The following PIAS1 variants were observed in gnomAD, a reference collection of about 807,000 sequenced individuals.
PIAS1 encodes protein inhibitor of activated STAT 1.
In PIAS1, 6 loss-of-function variants were observed where a neutral mutation model predicts 71.3. That is an observed-to-expected ratio of 0.08 (90% CI 0.05 to 0.17). The LOEUF (loss-of-function observed/expected upper bound fraction) is 0.17. PIAS1 is among the 10% of genes least tolerant of loss of function. The probability of loss-of-function intolerance (pLI) is 1.00; values close to 1 mark genes in which losing one functional copy is unlikely to be tolerated. For synonymous variants in PIAS1, 303 were observed against 292.9 expected (o/e 1.03, Z -0.35); for missense variants, 555 against 793.6 (o/e 0.70, Z 3.61).
chr15:68,161,811 T>C (rs1239013912), intron 7 of PIAS1, among the ~76,000 whole-genome samples: 1 of 151,828 alleles, frequency 6.6e-6, no homozygotes, highest in African/African-American at 2.4e-5. Flanking sequence ...ACACCTCTAA[T>C]CCCAGCTACT....
Position 68,173,965 on chromosome 15 carries a change from G to A in PIAS1, c.1169+73G>A. Reference sequence around the variant, plus strand: ...TCTGGGTTTGTTACACATCAGATTTGGGATGAAAATTCTAAGTTATATATT... The same window carrying A: ...TCTGGGTTTGTTACACATCAGATTTAGGATGAAAATTCTAAGTTATATATT... On this transcript the variant is annotated intron_variant, in intron 9 of 13. Coordinates refer to ENST00000249636, the MANE Select transcript of PIAS1 (RefSeq NM_016166.3). This position sits in a 1 kb window ranked among gnomAD's most constrained non-coding sequence, Gnocchi z 4.3. The A allele has an allele frequency of 1.0e-6, 1 of 979,138 alleles. No individual in the cohort carries two copies. The highest frequency in any genetic ancestry group is 1.4e-6 in the Non-Finnish European group (1 of 726,736). 60.7% of individuals were successfully genotyped at this position (979,138 alleles called of 1,614,324 possible). A position where few individuals can be genotyped will look rare whatever the true frequency, so the allele number is the denominator to read the frequency against.
chr15:68,054,629 G>A lies in PIAS1; in HGVS notation c.24+279G>A, dbSNP rs1219346626. 2.7e-6 allele frequency: 1 copy of A among 369,582 alleles called. No individual in the cohort carries two copies. Among genetic ancestry groups the A allele is most frequent in the Admixed American group, 4.8e-5 (1 of 20,914 alleles). The allele number at this position is 369,582 out of a possible 1,614,324, so 22.9% of individuals were successfully genotyped here. The stretch of plus-strand genomic sequence containing the variant: ...CGGGGGAAGAGATAGGGAGTCCGGA[G>A]GTAGGGGCTGCAGCTGTCTCATGGG... On this transcript the variant is annotated intron_variant, in intron 1 of 13. Transcript: ENST00000249636. The surrounding 1 kb of genome is among the most constrained non-coding windows in gnomAD (Gnocchi z 4.6).
chr15:68,186,066 A>G lies in PIAS1; in HGVS notation c.1663-1476A>G, dbSNP rs1441027225. On this transcript the variant is annotated intron_variant, in intron 13 of 13. Coordinates refer to ENST00000249636, the MANE Select transcript of PIAS1 (RefSeq NM_016166.3). This position sits in a 1 kb window ranked among gnomAD's most constrained non-coding sequence, Gnocchi z 4.4. ...ACATTATCTACTTACAAGCAAACCTATGATAAAAAAGAAACCAAGCCAAAC... is the reference window on the plus strand; with the variant it reads ...ACATTATCTACTTACAAGCAAACCTGTGATAAAAAAGAAACCAAGCCAAAC... Among the ~76,000 whole-genome samples the G allele has an allele frequency of 2.0e-5, 3 of 152,250 alleles. No individual in the cohort carries two copies. The highest frequency in any genetic ancestry group is 6.5e-5 in the Admixed American group (1 of 15,290).
At chr15:68,126,443 A>G (rs1269731713) in intron 2 of PIAS1, among the ~76,000 whole-genome samples, 4 of 152,106 alleles carry the variant, frequency 2.6e-5, no homozygotes, top group African/African-American at 9.6e-5. Context: ...TAACTAGTTA[A>G]TTGTTTTTGT....
chr15:68,125,411 A>G (rs888275175), intron 2 of PIAS1, among the ~76,000 whole-genome samples: 2 of 152,066 alleles, frequency 1.3e-5, no homozygotes, highest in African/African-American at 4.8e-5. Context: ...TGCCTGTGTT[A>G]ATCTTGTATT....
chr15:68,156,108 G>A (rs1198314799), intron 7 of PIAS1, among the ~76,000 whole-genome samples: 1 of 152,164 alleles, frequency 6.6e-6, no homozygotes, highest in Non-Finnish European at 1.5e-5. Flanking sequence ...AGAGTCTACT[G>A]TGTTCCAGGA....
intron 2 of PIAS1, among the ~76,000 whole-genome samples, chr15:68,113,281 G>A (rs1431022857): frequency 6.6e-6 from 1 of 152,142 alleles, no homozygotes; most frequent in Admixed American, 6.6e-5. Flanking sequence ...TTCAGCTGCT[G>A]TCAAGTAGTA....
rs1388018494 is a variant in PIAS1, at chr15:68,135,663, C to T, written c.470-6283C>T. 2.0e-3 allele frequency among the ~76,000 whole-genome samples: 131 copies of T among 64,750 alleles called. 5 individuals carry two copies. Among genetic ancestry groups the T allele is most frequent in the African/African-American group, 4.4e-3 (107 of 24,522 alleles). 42.5% of individuals were successfully genotyped at this position (64,750 alleles called of 152,430 possible). A position where few individuals can be genotyped will look rare whatever the true frequency, so the allele number is the denominator to read the frequency against. On this transcript the variant is annotated intron_variant, in intron 2 of 13. Transcript: ENST00000249636. ...CTCCCGGACGGGGTGGCTGGCCTGGCGGGGGCTGACCCCCACCTCCCTCCC... is the reference window on the plus strand; with the variant it reads ...CTCCCGGACGGGGTGGCTGGCCTGGTGGGGGCTGACCCCCACCTCCCTCCC...
intron 1 of PIAS1, chr15:68,057,459 T>A (rs1390350736): frequency 2.3e-6 from 1 of 438,692 alleles, no homozygotes; most frequent in Admixed American, 2.6e-5. Flanking sequence ...AACCAAGTTA[T>A]AGTGCCATTT....
rs1035619167 is a variant in PIAS1, at chr15:68,173,218, A to G, written c.1009-514A>G. On this transcript the variant is annotated intron_variant, in intron 8 of 13. Coordinates refer to ENST00000249636, the MANE Select transcript of PIAS1 (RefSeq NM_016166.3). The surrounding 1 kb of genome is among the most constrained non-coding windows in gnomAD (Gnocchi z 4.3). Reference sequence around the variant, plus strand: ...TAAGAATTTGAGAAAAGCCGGGCACAGTGGTGTGCGCCTGTATCCCCAGCT... The same window carrying G: ...TAAGAATTTGAGAAAAGCCGGGCACGGTGGTGTGCGCCTGTATCCCCAGCT... Among the ~76,000 whole-genome samples, 5 of 152,176 alleles carry G rather than the reference A, an allele frequency of 3.3e-5. No individual in the cohort carries two copies. Among genetic ancestry groups the G allele is most frequent in the Admixed American group, 6.5e-5 (1 of 15,282 alleles).
intron 3 of PIAS1, 31 bp downstream of exon 3, chr15:68,142,061 T>C: frequency 1.4e-6 from 2 of 1,440,120 alleles, no homozygotes; most frequent in Non-Finnish European, 1.9e-6. Flanking sequence ...ACTTGAAGTT[T>C]GACCTTTGAA....
rs1007350434 is a variant in PIAS1, at chr15:68,178,627, A to AT, written c.1481+1980dup. On this transcript the variant is annotated intron_variant, in intron 11 of 13. Transcript: ENST00000249636. The surrounding 1 kb of genome is among the most constrained non-coding windows in gnomAD (Gnocchi z 4.2). ...ATGACCAAATACACATTGTCATGTG[A>AT]TTTTTTTAAGTGCCATAATCACAAT... Among the ~76,000 whole-genome samples, 2 of 152,136 alleles carry AT rather than the reference A, an allele frequency of 1.3e-5. No individual in the cohort carries two copies. The highest frequency in any genetic ancestry group is 1.9e-4 in the East Asian group (1 of 5,198).
rs2093127346 is a variant in PIAS1, at chr15:68,193,027, G to A, written c.*5192G>A. Reference sequence around the variant, plus strand: ...CTCCAGCTGGATGGACTCCCAGAAAGCCTAGTGCTCCTACTACTGTTTTCC... The same window carrying A: ...CTCCAGCTGGATGGACTCCCAGAAAACCTAGTGCTCCTACTACTGTTTTCC... On this transcript the variant is annotated 3_prime_UTR_variant, in exon 14 of 14. Coordinates refer to ENST00000249636, the MANE Select transcript of PIAS1 (RefSeq NM_016166.3). The A allele has an allele frequency of 6.6e-6, 1 of 152,284 alleles. No individual in the cohort carries two copies. Among genetic ancestry groups the A allele is most frequent in the Non-Finnish European group, 1.5e-5 (1 of 68,110 alleles). The allele number at this position is 152,284 out of a possible 1,614,324, so 9.4% of individuals were successfully genotyped here.
intron 1 of PIAS1, among the ~76,000 whole-genome samples, chr15:68,065,046 AT>A (rs922737132): frequency 1.7e-4 from 26 of 151,148 alleles, no homozygotes; most frequent in Non-Finnish European, 3.1e-4. Flanking sequence ...CCCAGCTATT[AT>A]TTTTTTTTAA....
chr15:68,110,464 C>T (rs762352785), intron 2 of PIAS1, among the ~76,000 whole-genome samples: 4 of 151,922 alleles, frequency 2.6e-5, no homozygotes, highest in Admixed American at 2.0e-4. Context: ...GGTGTGGTGG[C>T]GGGTGCCTGT....
At position 68,173,333 on chromosome 15, in the gene PIAS1, C is replaced by T. The variant is rs1050848520; in HGVS notation, c.1009-399C>T. On this transcript the variant is annotated intron_variant, in intron 8 of 13. Coordinates refer to ENST00000249636, the MANE Select transcript of PIAS1 (RefSeq NM_016166.3). The surrounding 1 kb of genome is among the most constrained non-coding windows in gnomAD (Gnocchi z 4.3). ...TTGTGCCTGTGAATAAGAGTTGGCA[C>T]TTCAGCCTGGGCAATATAGCAAGAC... is the stretch of plus-strand genomic sequence containing the variant. Among the ~76,000 whole-genome samples, 1 of 151,632 alleles carries T rather than the reference C, an allele frequency of 6.6e-6. No individual in the cohort carries two copies. The highest frequency in any genetic ancestry group is 1.5e-5 in the Non-Finnish European group (1 of 67,978).
At chr15:68,136,082 A>G (rs1402578027) in intron 2 of PIAS1, among the ~76,000 whole-genome samples, 3 of 51,330 alleles carry the variant, frequency 5.8e-5, no homozygotes, top group South Asian at 5.2e-4. Context: ...CCCAGACGGG[A>G]TGGCGGCCGG....
intron 6 of PIAS1, among the ~76,000 whole-genome samples, chr15:68,149,790 T>A (rs902306476): frequency 6.6e-5 from 10 of 152,172 alleles, no homozygotes; most frequent in Non-Finnish European, 1.2e-4. Flanking sequence ...GTTTTAGGTA[T>A]GTCATATAAA....
intron 6 of PIAS1, among the ~76,000 whole-genome samples, chr15:68,148,128 T>C (rs17309974): frequency 0.17 from 25,736 of 152,056 alleles, 2,399 homozygotes; most frequent in Non-Finnish European, 0.21. Context: ...CACATGGTGA[T>C]TTTACAGTGT....
Sources: gnomAD v4.1 joint callset for allele counts (sites outside exome capture counted in the v4.1 genomes callset) on GRCh38, gnomAD v4.1.1 for gene constraint, Gnocchi (gnomAD v3.1) non-coding constraint, MANE v1.5 for transcripts, NCBI Gene and HGNC (gene_info 2026-07-23, HGNC 2026-07-21) for gene names.